The following PHF20 variants were observed in gnomAD, a reference collection of about 807,000 sequenced individuals.
PHF20 encodes the protein glioma-expressed antigen 2.
Under a neutral mutation model 113.5 loss-of-function variants are expected in PHF20, and 23 were observed. The ratio of observed to expected loss-of-function variants is 0.20; its 90% CI spans 0.15 to 0.29. The LOEUF (loss-of-function observed/expected upper bound fraction) is 0.29. Among genes scored for constraint, PHF20 ranks in the 10% least tolerant of loss-of-function variants. PHF20 has a pLI of 1.00. For synonymous variants in PHF20, 434 were observed against 457.3 expected (o/e 0.95, Z 0.65); for missense variants, 943 against 1,219.6 (o/e 0.77, Z 3.38).
chr20:35,773,847 A>G (rs2041115780), intron 1 of PHF20, among the ~76,000 whole-genome samples: 1 of 152,092 alleles, frequency 6.6e-6, no homozygotes, highest in African/African-American at 2.4e-5. Flanking sequence ...TTAGGTGCAT[A>G]CTGTTTTCTC....
At chr20:35,940,822 G>A (rs754708187) in intron 16 of PHF20, 42 bp from the exon 17 acceptor site, 2 of 1,548,310 alleles carry the variant, frequency 1.3e-6, no homozygotes. Context: ...ATGGGCCAGG[G>A]GCTATCTCCA....
chr20:35,899,494 G>A lies in PHF20; in HGVS notation c.1407G>A (p.Leu469=). 1 of 1,614,150 alleles carries A rather than the reference G, an allele frequency of 6.2e-7. No individual in the cohort carries two copies. Among genetic ancestry groups the A allele is most frequent in the Non-Finnish European group, 8.5e-7 (1 of 1,180,026 alleles). ...AATTTTTCCGCAAAGCCAAACTGTTGCACTATCACATGAAGTATTTCCATG... is the reference window on the plus strand; with the variant it reads ...AATTTTTCCGCAAAGCCAAACTGTTACACTATCACATGAAGTATTTCCATG... ...CLKFFRKAKL[L]HYHMKYFHGM... The change falls in exon 10 of 18, where the codon TTG becomes TTA. Residue 469 remains leucine, a synonymous_variant. Coordinates refer to ENST00000374012, the MANE Select transcript of PHF20 (RefSeq NM_016436.5).
intron 2 of PHF20, among the ~76,000 whole-genome samples, chr20:35,820,802 T>G (rs1257740475): frequency 6.6e-6 from 1 of 151,914 alleles, no homozygotes; most frequent in Non-Finnish European, 1.5e-5. Flanking sequence ...TGTGTTTTGC[T>G]TTTTTTATAT....
chr20:35,847,409 C>G lies in PHF20; in HGVS notation c.315C>G (p.Ala105=). Residue 105 remains alanine (A), a synonymous_variant, in exon 4 of 18, where the codon GCC becomes GCG. Coordinates refer to ENST00000374012, the MANE Select transcript of PHF20 (RefSeq NM_016436.5). ...ACWSDCRFYP[A]KVTAVNKDGT... ...GGTCTGATTGTCGTTTTTACCCGGC[C>G]AAAGTCACTGCTGTTAACAAGGATG... is the stretch of plus-strand genomic sequence containing the variant. 6.2e-7 allele frequency: 1 copy of G among 1,611,634 alleles called. No individual in the cohort carries two copies.
intron 1 of PHF20, among the ~76,000 whole-genome samples, chr20:35,776,723 T>C (rs952065052): frequency 1.8e-4 from 27 of 152,126 alleles, no homozygotes; most frequent in African/African-American, 6.5e-4. Context: ...CTCACATGAG[T>C]GTCAGATCCT....
chr20:35,880,023 G>A (rs144123251), intron 9 of PHF20, among the ~76,000 whole-genome samples: 6 of 152,020 alleles, frequency 3.9e-5, no homozygotes, highest in Non-Finnish European at 7.4e-5. Flanking sequence ...AGAAAGGAGA[G>A]AGAGAAAGAA....
chr20:35,887,079 C>T (rs2054748020), intron 9 of PHF20, among the ~76,000 whole-genome samples: 2 of 152,124 alleles, frequency 1.3e-5, no homozygotes, highest in South Asian at 4.1e-4. Context: ...GCAATGGGTA[C>T]ACAAAATATT....
intron 1 of PHF20, among the ~76,000 whole-genome samples, chr20:35,787,130 G>A (rs1172356792): frequency 6.6e-6 from 1 of 150,856 alleles, no homozygotes; most frequent in Non-Finnish European, 1.5e-5. Flanking sequence ...TAGCTAGGAC[G>A]ACAGGTGTGT....
intron 1 of PHF20, among the ~76,000 whole-genome samples, chr20:35,774,320 C>T (rs908156843): frequency 6.6e-6 from 1 of 152,132 alleles, no homozygotes; most frequent in Non-Finnish European, 1.5e-5. Flanking sequence ...ATCCACCCGC[C>T]TCCGCCTCCC....
chr20:35,772,299 G>A (rs2146816099), intron 1 of PHF20, among the ~76,000 whole-genome samples: 1 of 151,888 alleles, frequency 6.6e-6, no homozygotes, highest in African/African-American at 2.4e-5. Context: ...CAATCCCCGG[G>A]GCTACCCGCA....
chr20:35,803,608 AG>A (rs1178362043), intron 2 of PHF20, among the ~76,000 whole-genome samples: 1 of 151,694 alleles, frequency 6.6e-6, no homozygotes, highest in Non-Finnish European at 1.5e-5. Context: ...TACAGGCGTG[AG>A]CCACCAAGCC....
At chr20:35,781,105 G>C (rs542381169) in intron 1 of PHF20, among the ~76,000 whole-genome samples, 1 of 150,596 alleles carries the variant, frequency 6.6e-6, no homozygotes, top group Non-Finnish European at 1.5e-5. Context: ...CACCCACCTC[G>C]GCCTAAAGTG....
intron 2 of PHF20, among the ~76,000 whole-genome samples, chr20:35,832,530 C>A (rs750955652): frequency 3.3e-5 from 5 of 152,042 alleles, no homozygotes; most frequent in Non-Finnish European, 7.4e-5. Context: ...CTGACACAGA[C>A]TGGAAAGAAA....
rs190911003 is a variant in PHF20 at position 35,893,734 on chromosome 20, C to T, written c.1283-5636C>T. On this transcript the variant is annotated intron_variant, in intron 9 of 17. Coordinates refer to ENST00000374012, the MANE Select transcript of PHF20 (RefSeq NM_016436.5). ...GGTTCAAGTGATTCTCCTGCCTCAG[C>T]CCCCCGAGTAGCTGGGATTACAGGC... Among the ~76,000 whole-genome samples the T allele has an allele frequency of 9.7e-4, 147 of 152,190 alleles. No homozygotes were observed. In the Middle Eastern group the frequency reaches 0.014, roughly 14 times the overall value.
chr20:35,847,527 A>G, intron 4 of PHF20, 93 bp downstream of exon 4: 1 of 780,380 alleles, frequency 1.3e-6, no homozygotes, highest in Non-Finnish European at 2.2e-6. Flanking sequence ...TATTTTCAGT[A>G]TTTATTTACT....
rs1406456225 is a variant in PHF20, at chr20:35,949,018, T to C, written c.*1391T>C. 6.6e-6 allele frequency: 1 copy of C among 152,652 alleles called. No homozygotes were observed. The highest frequency in any genetic ancestry group is 1.5e-5 in the Non-Finnish European group (1 of 68,040). 9.5% of individuals were successfully genotyped at this position (152,652 alleles called of 1,614,324 possible). On this transcript the variant is annotated 3_prime_UTR_variant, in exon 18 of 18. Coordinates refer to ENST00000374012, the MANE Select transcript of PHF20 (RefSeq NM_016436.5). ...TTTGGAATAGTTAAGCACAGGTCATTGTGGACATGAATTCAGGCCTCTGTA... is the reference window on the plus strand; with the variant it reads ...TTTGGAATAGTTAAGCACAGGTCATCGTGGACATGAATTCAGGCCTCTGTA...
At chr20:35,877,885 T>G (rs984398964) in intron 9 of PHF20, among the ~76,000 whole-genome samples, 2 of 152,230 alleles carry the variant, frequency 1.3e-5, no homozygotes, top group Non-Finnish European at 2.9e-5. Context: ...CTTGCTGTGT[T>G]TGTTGTTAGT....
chr20:35,947,849 G>A lies in PHF20; in HGVS notation c.*222G>A. ...CCATAAAGGTAGCAAATAGACTCTT[G>A]GGATTCCCCTCTTCTGTGCACATCG... On this transcript the variant is annotated 3_prime_UTR_variant, in exon 18 of 18. Coordinates refer to ENST00000374012, the MANE Select transcript of PHF20 (RefSeq NM_016436.5). 1.9e-6 allele frequency: 1 copy of A among 522,606 alleles called. No individual in the cohort carries two copies. Among genetic ancestry groups the A allele is most frequent in the East Asian group, 3.1e-5 (1 of 32,658 alleles). The allele number at this position is 522,606 out of a possible 1,614,324, so 32.4% of individuals were successfully genotyped here.
intron 5 of PHF20, among the ~76,000 whole-genome samples, chr20:35,859,747 G>A (rs1459099857): frequency 2.6e-5 from 4 of 151,990 alleles, no homozygotes; most frequent in Admixed American, 6.6e-5. Flanking sequence ...GTTTCACCAC[G>A]TTGTCCAGGC....
Sources: gnomAD v4.1 joint callset for allele counts (sites outside exome capture counted in the v4.1 genomes callset) on GRCh38, gnomAD v4.1.1 for gene constraint, MANE v1.5 for transcripts, NCBI Gene and HGNC (gene_info 2026-07-23, HGNC 2026-07-21) for gene names.